The following MAD1L1 variants were observed in gnomAD, a reference collection of about 807,000 sequenced individuals.
MAD1L1 encodes the protein mitotic arrest deficient 1 like 1.
MAD1L1 carries 95 observed loss-of-function variants against 96.9 expected under a neutral mutation model. That is an observed-to-expected ratio of 0.98 (90% CI 0.83 to 1.16). MAD1L1 has a LOEUF of 1.16. Ranked by LOEUF, MAD1L1 falls within the 50% of genes most tolerant of loss-of-function variation. The pLI is 0.00. For missense variants in MAD1L1, 1,007 were observed against 954.4 expected (o/e 1.06, Z -0.73); for synonymous variants, 473 against 396.6 (o/e 1.19, Z -2.29).
chr7:1,927,327 G>A (rs1789147371), intron 17 of MAD1L1, among the ~76,000 whole-genome samples: 1 of 152,218 alleles, frequency 6.6e-6, no homozygotes, highest in Non-Finnish European at 1.5e-5. Context: ...ACTGACAGAT[G>A]CAGTAATTCC....
intron 18 of MAD1L1, among the ~76,000 whole-genome samples, chr7:1,857,250 A>G (rs558314941): frequency 4.6e-5 from 7 of 152,184 alleles, no homozygotes; most frequent in Non-Finnish European, 1.0e-4. Flanking sequence ...CGGCTGTCCC[A>G]CGTCTCGGGC....
rs1787891282 is a variant in MAD1L1 at position 2,119,835 on chromosome 7, G to A, written c.1073+29317C>T. Reference sequence around the variant, plus strand: ...GTTCCAGACCCCTAGGCTCTTTCCTGCTGGCTCCTCGCTGGGGTCCAGGAC... The same window carrying A: ...GTTCCAGACCCCTAGGCTCTTTCCTACTGGCTCCTCGCTGGGGTCCAGGAC... On this transcript the variant is annotated intron_variant, in intron 11 of 18. Transcript: ENST00000265854. This position sits in a 1 kb window ranked among gnomAD's most constrained non-coding sequence, Gnocchi z 4.6. 1.3e-5 allele frequency among the ~76,000 whole-genome samples: 2 copies of A among 152,176 alleles called. No homozygotes were observed. Among genetic ancestry groups the A allele is most frequent in the South Asian group, 4.1e-4 (2 of 4,836 alleles).
intron 17 of MAD1L1, among the ~76,000 whole-genome samples, chr7:1,918,515 C>G (rs936564949): frequency 6.6e-6 from 1 of 152,206 alleles, no homozygotes; most frequent in African/African-American, 2.4e-5. Flanking sequence ...TGGGGGGCGC[C>G]CAGTCCAGGG....
At chr7:2,185,778 GA>G (rs779971401) in intron 10 of MAD1L1, among the ~76,000 whole-genome samples, 11 of 152,270 alleles carry the variant, frequency 7.2e-5, no homozygotes, top group Non-Finnish European at 1.5e-4. Flanking sequence ...GAAAAAAATC[GA>G]AATAACAGGC....
rs184169100 is a variant in MAD1L1 at position 2,133,798 on chromosome 7, G to A, written c.1073+15354C>T. Among the ~76,000 whole-genome samples the A allele has an allele frequency of 4.6e-5, 7 of 152,250 alleles. No individual in the cohort carries two copies. In the East Asian group the frequency reaches 7.7e-4, roughly 17 times the overall value. On this transcript the variant is annotated intron_variant, in intron 11 of 18. Transcript: ENST00000265854. ...TCCAGCACCATTTGCTGAGAAGACC[G>A]TTTTCCTCTGAGCTGCCTTTGCTCT...
chr7:2,040,629 C>G (rs1783632011), intron 12 of MAD1L1, among the ~76,000 whole-genome samples: 2 of 152,170 alleles, frequency 1.3e-5, no homozygotes, highest in Non-Finnish European at 2.9e-5. Context: ...TTACCTAGTC[C>G]TTTGCTGGGG....
intron 5 of MAD1L1, chr7:2,221,018 G>C: frequency 1.2e-6 from 2 of 1,612,138 alleles, no homozygotes; most frequent in Non-Finnish European, 1.7e-6. Flanking sequence ...GTGACAATCA[G>C]GACCCTGTGA....
chr7:1,862,137 T>C (rs1011661817), intron 18 of MAD1L1, among the ~76,000 whole-genome samples: 1 of 152,116 alleles, frequency 6.6e-6, no homozygotes, highest in African/African-American at 2.4e-5. Flanking sequence ...CTCAGGGGTG[T>C]CTGGGGCGTC....
At chr7:2,080,880 G>A (rs1206369300) in intron 11 of MAD1L1, among the ~76,000 whole-genome samples, 1 of 152,252 alleles carries the variant, frequency 6.6e-6, no homozygotes, top group Non-Finnish European at 1.5e-5. Flanking sequence ...GGGGGAGAGT[G>A]GCATTCCAGG....
chr7:1,900,369 T>G (rs779624629), intron 17 of MAD1L1, among the ~76,000 whole-genome samples: 6 of 152,198 alleles, frequency 3.9e-5, no homozygotes, highest in Non-Finnish European at 5.9e-5. Context: ...AGAGGGGCCC[T>G]GGCGCCCATC....
chr7:2,103,499 C>G lies in MAD1L1; in HGVS notation c.1074-34161G>C, dbSNP rs540028227. 2.0e-5 allele frequency among the ~76,000 whole-genome samples: 3 copies of G among 152,124 alleles called. No individual in the cohort carries two copies. The highest frequency in any genetic ancestry group is 4.8e-5 in the African/African-American group (2 of 41,418). ...CTCACCCGCCCCCGAGGCCACTGCA[C>G]AGCGGCGGGGCTCTCGACCACCGTG... On this transcript the variant is annotated intron_variant, in intron 11 of 18. Coordinates refer to ENST00000265854, the MANE Select transcript of MAD1L1 (RefSeq NM_001013836.2). The surrounding 1 kb of genome is among the most constrained non-coding windows in gnomAD (Gnocchi z 4.3).
intron 17 of MAD1L1, among the ~76,000 whole-genome samples, chr7:1,921,070 C>A (rs1378069778): frequency 1.3e-5 from 2 of 152,060 alleles, no homozygotes; most frequent in Non-Finnish European, 2.9e-5. Flanking sequence ...GGACTCAGGA[C>A]CCCTGCCCAG....
At chr7:2,219,917 C>T (rs1196537975) in intron 5 of MAD1L1, among the ~76,000 whole-genome samples, 1 of 152,166 alleles carries the variant, frequency 6.6e-6, no homozygotes, top group Admixed American at 6.5e-5. Flanking sequence ...AAGCCTCCAC[C>T]AGCCAAGATG....
In MAD1L1 at chr7:2,220,958, C is replaced by T. The variant is rs1562385249; in HGVS notation, c.472-1502G>A. 7 of 1,612,246 alleles carry T rather than the reference C, an allele frequency of 4.3e-6. No homozygotes were observed. The South Asian group carries it at 4.4e-5, about 10-fold the overall frequency. On this transcript the variant is annotated intron_variant, in intron 5 of 18. Transcript: ENST00000265854. ...GGGTCACCCGTGTTGTAGGGGACGC[C>T]GGACAGTTGGCAAGGAAGAGGCGCA...
chr7:2,142,216 G>A lies in MAD1L1; in HGVS notation c.1073+6936C>T, dbSNP rs952919821. 1.3e-5 allele frequency among the ~76,000 whole-genome samples: 2 copies of A among 152,156 alleles called. No homozygotes were observed. Among genetic ancestry groups the A allele is most frequent in the Non-Finnish European group, 2.9e-5 (2 of 68,026 alleles). On this transcript the variant is annotated intron_variant, in intron 11 of 18. Coordinates refer to ENST00000265854, the MANE Select transcript of MAD1L1 (RefSeq NM_001013836.2). The surrounding 1 kb of genome is among the most constrained non-coding windows in gnomAD (Gnocchi z 4.7). ...GGGCCCACACTAGCCAAACTAACCC[G>A]AGCAGCCTTCGCCAAAGAACAAGGC...
intron 10 of MAD1L1, among the ~76,000 whole-genome samples, chr7:2,163,863 C>G (rs1214722748): frequency 6.6e-6 from 1 of 152,072 alleles, no homozygotes; most frequent in Admixed American, 6.5e-5. Context: ...CCAAGAATTA[C>G]TGGGAACAGA....
rs546368411 is a variant in MAD1L1, at chr7:1,894,428, G to A, written c.1998+3772C>T. ...GCTCTGGGAGAAGCACGGGTGCACC[G>A]TGGGCTGGAGCTGAACCAGCCAACA... On this transcript the variant is annotated intron_variant, in intron 18 of 18. Transcript: ENST00000265854. 3.9e-5 allele frequency among the ~76,000 whole-genome samples: 6 copies of A among 152,304 alleles called. No homozygotes were observed. The South Asian group carries it at 6.2e-4, about 16-fold the overall frequency.
In MAD1L1 at chr7:1,852,228, C is replaced by T. The variant is rs146626310; in HGVS notation, c.1999-36000G>A. Among the ~76,000 whole-genome samples the T allele has an allele frequency of 2.1e-3, 317 of 152,292 alleles. 2 individuals carry two copies. The highest frequency in any genetic ancestry group is 6.9e-3 in the African/African-American group (286 of 41,558). On this transcript the variant is annotated intron_variant, in intron 18 of 18. Coordinates refer to ENST00000265854, the MANE Select transcript of MAD1L1 (RefSeq NM_001013836.2). ...CTGGGCGAGGATCCTGCTGACCTGG[C>T]GAGAGGCACCGTTTGGGCAGTTTCT...
At chr7:1,883,307 C>T (rs371002641) in intron 18 of MAD1L1, among the ~76,000 whole-genome samples, 5 of 152,260 alleles carry the variant, frequency 3.3e-5, no homozygotes, top group East Asian at 3.9e-4. Context: ...CCTTAACACC[C>T]GAATCCTAAT....
Sources: allele counts gnomAD v4.1 joint callset (sites outside exome capture counted in the v4.1 genomes callset), GRCh38; gene constraint gnomAD v4.1.1; non-coding constraint Gnocchi (gnomAD v3.1); transcripts MANE v1.5; gene names NCBI Gene and HGNC (gene_info 2026-07-23, HGNC 2026-07-21).